Variants in PLCB1 observed in about 807,000 individuals in gnomAD.
PLCB1 encodes 1-phosphatidylinositol 4,5-bisphosphate phosphodiesterase beta-1.
In PLCB1, 46 loss-of-function variants were observed where a neutral mutation model predicts 161.8. The ratio of observed to expected loss-of-function variants is 0.28; its 90% CI spans 0.22 to 0.36. The LOEUF is 0.36. Ranked by LOEUF, PLCB1 falls within the 10% of genes least tolerant of loss-of-function variation. PLCB1 has a pLI of 1.00. For missense variants in PLCB1, 1,016 were observed against 1,472.5 expected, an observed-to-expected ratio of 0.69 and a Z score of 5.07; for synonymous variants, 517 against 503.7, an observed-to-expected ratio of 1.03 and a Z score of -0.35.
intron 4 of PLCB1, among the ~76,000 whole-genome samples, chr20:8,641,862 A>C (rs906100131): frequency 6.6e-6 from 1 of 152,184 alleles, no homozygotes; most frequent in Non-Finnish European, 1.5e-5. Flanking sequence ...TTCAGTCTCC[A>C]AATTCCTGAT....
intron 3 of PLCB1, among the ~76,000 whole-genome samples, chr20:8,576,250 T>C (rs1986670705): frequency 6.6e-6 from 1 of 152,308 alleles, no homozygotes; most frequent in Non-Finnish European, 1.5e-5. Context: ...TATATCTTAA[T>C]AAAGGAACAC....
At chr20:8,748,546 T>C (rs1030732327) in intron 23 of PLCB1, among the ~76,000 whole-genome samples, 1 of 152,226 alleles carries the variant, frequency 6.6e-6, no homozygotes, top group African/African-American at 2.4e-5. Flanking sequence ...AAAATAGGGA[T>C]GAGTACAATA....
At chr20:8,416,929 T>TACAC (rs56097941) in intron 3 of PLCB1, among the ~76,000 whole-genome samples, 2,432 of 126,406 alleles carry the variant, frequency 0.019, 24 homozygotes, top group East Asian at 0.035. Context: ...AGAGACAGAA[T>TACAC]ACACACACAC....
intron 3 of PLCB1, among the ~76,000 whole-genome samples, chr20:8,611,126 A>G (rs1403542639): frequency 6.6e-6 from 1 of 151,990 alleles, no homozygotes; most frequent in Non-Finnish European, 1.5e-5. Flanking sequence ...TTATTTATAG[A>G]AGGTAAGGAT....
intron 10 of PLCB1, among the ~76,000 whole-genome samples, chr20:8,685,301 G>T (rs574741763): frequency 1.7e-5 from 2 of 115,094 alleles, no homozygotes; most frequent in East Asian, 4.8e-4. Context: ...AAGTTTTTAA[G>T]TCTTCTAAAA....
At chr20:8,731,194 T>C (rs1205053037) in intron 18 of PLCB1, among the ~76,000 whole-genome samples, 1 of 151,840 alleles carries the variant, frequency 6.6e-6, no homozygotes, top group Non-Finnish European at 1.5e-5. Flanking sequence ...TTAAAATCAA[T>C]TAATTTATTT....
intron 3 of PLCB1, among the ~76,000 whole-genome samples, chr20:8,444,150 A>G (rs902580822): frequency 1.3e-5 from 2 of 151,790 alleles, no homozygotes; most frequent in African/African-American, 4.8e-5. Context: ...TTAACTCGTC[A>G]TTTACATTAG....
chr20:8,533,201 T>G (rs1984892287), intron 3 of PLCB1, among the ~76,000 whole-genome samples: 1 of 152,164 alleles, frequency 6.6e-6, no homozygotes, highest in Non-Finnish European at 1.5e-5. Flanking sequence ...ACTCATCATT[T>G]TTTATGGCTG....
At chr20:8,550,433 A>C (rs1985735934) in intron 3 of PLCB1, among the ~76,000 whole-genome samples, 1 of 151,830 alleles carries the variant, frequency 6.6e-6, no homozygotes, top group African/African-American at 2.4e-5. Context: ...TTCTCATGAG[A>C]TCTGATGGTC....
intron 27 of PLCB1, among the ~76,000 whole-genome samples, chr20:8,788,157 T>G (rs796926903): frequency 2.6e-5 from 4 of 152,360 alleles, no homozygotes; most frequent in African/African-American, 9.6e-5. Context: ...GGTTCTACAC[T>G]GTAAGTTGTC....
At chr20:8,780,851 A>AATATCTCTT (rs1270261356) in intron 27 of PLCB1, among the ~76,000 whole-genome samples, 1 of 152,230 alleles carries the variant, frequency 6.6e-6, no homozygotes, top group Non-Finnish European at 1.5e-5. Context: ...TGGAGATAAA[A>AATATCTCTT]ATATCTCTTA....
At chr20:8,754,568 C>T (rs762525974) in intron 23 of PLCB1, among the ~76,000 whole-genome samples, 2 of 152,138 alleles carry the variant, frequency 1.3e-5, no homozygotes, top group Non-Finnish European at 2.9e-5. Context: ...TAGAAACCAA[C>T]TTGGATATAA....
chr20:8,667,440 C>G (rs1462404863), intron 9 of PLCB1, among the ~76,000 whole-genome samples: 1 of 152,186 alleles, frequency 6.6e-6, no homozygotes, highest in African/African-American at 2.4e-5. Context: ...CATTGTGGAT[C>G]TATTGTTCAT....
At chr20:8,429,602 G>A (rs1039458390) in intron 3 of PLCB1, among the ~76,000 whole-genome samples, 2 of 152,050 alleles carry the variant, frequency 1.3e-5, no homozygotes, top group Admixed American at 6.5e-5. Flanking sequence ...GTATGTATAC[G>A]TGCATGTATG....
intron 10 of PLCB1, among the ~76,000 whole-genome samples, chr20:8,691,894 TA>T (rs1252878258): frequency 2.6e-5 from 4 of 152,256 alleles, no homozygotes; most frequent in Non-Finnish European, 5.9e-5. Context: ...GATTATGTTT[TA>T]AATTATTGCT....
chr20:8,662,303 A>G (rs1294026264), intron 9 of PLCB1, among the ~76,000 whole-genome samples: 1 of 118,654 alleles, frequency 8.4e-6, no homozygotes, highest in Non-Finnish European at 1.6e-5. Flanking sequence ...ATTATTTATT[A>G]TATAATTATG....
At chr20:8,492,531 A>T (rs1982989698) in intron 3 of PLCB1, among the ~76,000 whole-genome samples, 1 of 151,020 alleles carries the variant, frequency 6.6e-6, no homozygotes, top group South Asian at 2.1e-4. Flanking sequence ...AAATAATCCA[A>T]GCAGGAATAA....
At chr20:8,302,638 T>C (rs1286821885) in intron 2 of PLCB1, among the ~76,000 whole-genome samples, 1 of 152,232 alleles carries the variant, frequency 6.6e-6, no homozygotes, top group Non-Finnish European at 1.5e-5. Flanking sequence ...TTTTTCTTCT[T>C]TGATTAAAGA....
At chr20:8,181,227 C>T (rs1472360373) in intron 2 of PLCB1, among the ~76,000 whole-genome samples, 10 of 131,590 alleles carry the variant, frequency 7.6e-5, no homozygotes, top group Non-Finnish European at 1.1e-4. Context: ...CCAGCCTGGC[C>T]GATAGAATGA....
Sources: gnomAD v4.1 joint callset for allele counts (sites outside exome capture counted in the v4.1 genomes callset) on GRCh38, gnomAD v4.1.1 for gene constraint, MANE v1.5 for transcripts, NCBI Gene and HGNC (gene_info 2026-07-23, HGNC 2026-07-21) for gene names.